The following PPFIA2 variants were observed in gnomAD, a reference collection of about 807,000 sequenced individuals.
The protein encoded by PPFIA2 is liprin-alpha-2.
In PPFIA2, 46 loss-of-function variants were observed where a neutral mutation model predicts 175.5. That is an observed-to-expected ratio of 0.26 (90% CI 0.21 to 0.34). PPFIA2 has a LOEUF of 0.34. PPFIA2 is among the 10% of genes least tolerant of loss of function. PPFIA2 has a pLI of 1.00. For missense variants in PPFIA2, 1,179 were observed against 1,506.1 expected, an observed-to-expected ratio of 0.78 and a Z score of 3.60; for synonymous variants, 568 against 511.4, an observed-to-expected ratio of 1.11 and a Z score of -1.49.
At chr12:81,438,887 T>C (rs912728369) in intron 7 of PPFIA2, among the ~76,000 whole-genome samples, 3 of 152,130 alleles carry the variant, frequency 2.0e-5, no homozygotes, top group African/African-American at 7.2e-5. Flanking sequence ...AACCTACTGA[T>C]CTAGATCTAT....
At chr12:81,740,985 AC>A (rs2082248858) in intron 3 of PPFIA2, among the ~76,000 whole-genome samples, 1 of 40,976 alleles carries the variant, frequency 2.4e-5, no homozygotes, top group African/African-American at 4.1e-5. Flanking sequence ...ATATTCATAC[AC>A]TTTTTTTTGT....
chr12:81,617,443 T>C (rs1329688201), intron 4 of PPFIA2, among the ~76,000 whole-genome samples: 1 of 152,206 alleles, frequency 6.6e-6, no homozygotes, highest in Non-Finnish European at 1.5e-5. Flanking sequence ...TTATTGTGCC[T>C]GCCCCTTCAA....
At chr12:81,603,902 G>A (rs372759013) in intron 4 of PPFIA2, among the ~76,000 whole-genome samples, 11 of 144,614 alleles carry the variant, frequency 7.6e-5, no homozygotes, top group South Asian at 4.3e-4. Context: ...ACATTTATTC[G>A]TTTATTTATT....
At position 81,711,932 on chromosome 12, in the gene PPFIA2, C is replaced by T. The variant is rs990697030; in HGVS notation, c.250-35088G>A. 4.0e-5 allele frequency among the ~76,000 whole-genome samples: 6 copies of T among 148,730 alleles called. 1 individual carries two copies. The highest frequency in any genetic ancestry group is 5.9e-5 in the Non-Finnish European group (4 of 67,466). ...ATAACCATTTCTTATACTTCTGATA[C>T]AATGAAAAAAAAAATTTCTTCAAAA... On this transcript the variant is annotated intron_variant, in intron 3 of 32. Transcript: ENST00000549396.
At chr12:81,449,442 G>A (rs935661014) in intron 5 of PPFIA2, among the ~76,000 whole-genome samples, 2 of 149,120 alleles carry the variant, frequency 1.3e-5, no homozygotes, top group African/African-American at 2.5e-5. Flanking sequence ...CCATCTTACC[G>A]AGTTTTTGCT....
chr12:81,314,295 C>T (rs926737986), intron 22 of PPFIA2, among the ~76,000 whole-genome samples: 5 of 151,684 alleles, frequency 3.3e-5, no homozygotes, highest in African/African-American at 1.2e-4. Flanking sequence ...AATATTGATA[C>T]ATTCTTTTCT....
At chr12:81,430,918 C>A (rs2047992553) in intron 7 of PPFIA2, 2 of 152,112 alleles carry the variant, frequency 1.3e-5, no homozygotes, top group Non-Finnish European at 2.9e-5. Flanking sequence ...TACGCCCATG[C>A]AAGTTCTTTA....
At chr12:81,439,607 G>C (rs2049782417) in intron 7 of PPFIA2, among the ~76,000 whole-genome samples, 1 of 152,098 alleles carries the variant, frequency 6.6e-6, no homozygotes, top group African/African-American at 2.4e-5. Context: ...ATCTCTCCAA[G>C]GAGTTCACTT....
intron 8 of PPFIA2, among the ~76,000 whole-genome samples, chr12:81,393,717 G>A (rs2142347345): frequency 1.3e-5 from 2 of 152,170 alleles, no homozygotes; most frequent in South Asian, 4.1e-4. Flanking sequence ...CTTACCATGA[G>A]GGAAGTAAGA....
At chr12:81,458,564 C>CA (rs2053988653) in intron 4 of PPFIA2, among the ~76,000 whole-genome samples, 1 of 151,818 alleles carries the variant, frequency 6.6e-6, no homozygotes, top group Non-Finnish European at 1.5e-5. Flanking sequence ...CATATTGTTA[C>CA]AAAAAAATTG....
chr12:81,516,145 T>C (rs1027971974), intron 4 of PPFIA2, among the ~76,000 whole-genome samples: 1 of 152,144 alleles, frequency 6.6e-6, no homozygotes, highest in African/African-American at 2.4e-5. Flanking sequence ...TCAGATAGAT[T>C]AGTTTTATCA....
chr12:81,676,191 G>C (rs569729152), intron 4 of PPFIA2, among the ~76,000 whole-genome samples: 4 of 152,080 alleles, frequency 2.6e-5, no homozygotes, highest in Admixed American at 6.6e-5. Context: ...GATATACTTT[G>C]AATTTATTTT....
At position 81,528,116 on chromosome 12, in the gene PPFIA2, A is replaced by G. The variant is rs143758960; in HGVS notation, c.304-70250T>C. 7.9e-3 allele frequency among the ~76,000 whole-genome samples: 1,156 copies of G among 145,706 alleles called. 14 individuals are homozygous for G. The highest frequency in any genetic ancestry group is 0.028 in the African/African-American group (1,063 of 38,558). Reference sequence around the variant, plus strand: ...TTAACCTCATTATTTCAGTTCCTAGAATAGTACCTACCCCTTAGCAGATAT... The same window carrying G: ...TTAACCTCATTATTTCAGTTCCTAGGATAGTACCTACCCCTTAGCAGATAT... On this transcript the variant is annotated intron_variant, in intron 4 of 32. Coordinates refer to ENST00000549396, the MANE Select transcript of PPFIA2 (RefSeq NM_003625.5).
Position 81,366,029 on chromosome 12 carries a change from CCT to C in PPFIA2, c.1545+1077_1545+1078del, listed in dbSNP as rs1161220363. 1.1e-3 allele frequency among the ~76,000 whole-genome samples: 124 copies of C among 116,956 alleles called. 2 individuals carry two copies. Among genetic ancestry groups the C allele is most frequent in the African/African-American group, 3.8e-3 (118 of 31,188 alleles). The allele number at this position is 116,956 out of a possible 152,430, so 76.7% of individuals were successfully genotyped here. On this transcript the variant is annotated intron_variant, in intron 14 of 32. Transcript: ENST00000549396. ...TCCTTCCTTCCTTCCTTCCTTCCTTCCTTCCCTCCCTCCCTCTTCCCTTTCCT... is the reference window on the plus strand; with the variant it reads ...TCCTTCCTTCCTTCCTTCCTTCCTTCTCCCTCCCTCCCTCTTCCCTTTCCT...
intron 7 of PPFIA2, among the ~76,000 whole-genome samples, chr12:81,413,521 T>TA (rs1281196542): frequency 6.6e-6 from 1 of 151,768 alleles, no homozygotes; most frequent in Non-Finnish European, 1.5e-5. Flanking sequence ...AGGAGGCAGA[T>TA]AAAGTAGAAG....
At chr12:81,309,612 A>T (rs1004349496) in intron 22 of PPFIA2, among the ~76,000 whole-genome samples, 6 of 152,088 alleles carry the variant, frequency 3.9e-5, no homozygotes, top group African/African-American at 1.2e-4. Flanking sequence ...TCCATGACAT[A>T]TTTAAGTAGT....
intron 29 of PPFIA2, 107 bp downstream of exon 29, chr12:81,267,805 T>C: frequency 1.1e-6 from 1 of 950,510 alleles, no homozygotes. Context: ...AAACATTGAG[T>C]TAACTTTCAT....
At chr12:81,339,562 T>C (rs1419463549) in intron 20 of PPFIA2, among the ~76,000 whole-genome samples, 3 of 152,086 alleles carry the variant, frequency 2.0e-5, no homozygotes, top group African/African-American at 7.2e-5. Context: ...CGAATGTCTT[T>C]TTTTCTTTAC....
intron 4 of PPFIA2, among the ~76,000 whole-genome samples, chr12:81,536,890 G>C (rs1013754015): frequency 6.7e-6 from 1 of 149,744 alleles, no homozygotes; most frequent in African/African-American, 2.4e-5. Context: ...AGAAAAACAC[G>C]CTATATTTCA....
Sources: gnomAD v4.1 joint callset for allele counts (sites outside exome capture counted in the v4.1 genomes callset) on GRCh38, gnomAD v4.1.1 for gene constraint, MANE v1.5 for transcripts, NCBI Gene and HGNC (gene_info 2026-07-23, HGNC 2026-07-21) for gene names.